The following AGAP1 variants were observed in gnomAD, a reference collection of about 807,000 sequenced individuals.
AGAP1 encodes arf-GAP with GTPase, ANK repeat and PH domain-containing protein 1.
In AGAP1, 29 loss-of-function variants were observed where a neutral mutation model predicts 105.3. The ratio of observed to expected loss-of-function variants is 0.28; its 90% confidence interval spans 0.21 to 0.38. AGAP1 has a LOEUF of 0.38. Among genes scored for constraint, AGAP1 ranks in the 10% least tolerant of loss-of-function variants. The probability of loss-of-function intolerance (pLI) is 1.00; values close to 1 mark genes in which losing one functional copy is unlikely to be tolerated. For missense variants in AGAP1, 998 were observed against 1,165.1 expected, an observed-to-expected ratio of 0.86 and a Z score of 2.09; for synonymous variants, 509 against 485.9, an observed-to-expected ratio of 1.05 and a Z score of -0.63.
intron 13 of AGAP1, among the ~76,000 whole-genome samples, chr2:236,016,073 A>G (rs1054622011): frequency 6.6e-6 from 1 of 151,798 alleles, no homozygotes; most frequent in African/African-American, 2.4e-5. Flanking sequence ...ACAAATCTAC[A>G]TTTTCACTAT....
At chr2:235,593,335 G>C (rs1047215379) in intron 1 of AGAP1, among the ~76,000 whole-genome samples, 4 of 152,196 alleles carry the variant, frequency 2.6e-5, no homozygotes, top group Non-Finnish European at 4.4e-5. Context: ...AAGTGGAACA[G>C]AACAACCTCC....
At chr2:236,059,855 G>A (rs894990007) in intron 16 of AGAP1, among the ~76,000 whole-genome samples, 3 of 152,168 alleles carry the variant, frequency 2.0e-5, no homozygotes, top group Non-Finnish European at 2.9e-5. Flanking sequence ...ACTTTGGGAG[G>A]CTGAGGCGGG....
intron 1 of AGAP1, among the ~76,000 whole-genome samples, chr2:235,681,039 C>T (rs146288141): frequency 1.7e-3 from 262 of 151,986 alleles, no homozygotes; most frequent in South Asian, 4.2e-3. Flanking sequence ...GGCAGAGTGT[C>T]GCTCTGTCGC....
At chr2:235,807,465 A>G in intron 9 of AGAP1, 134 bp downstream of exon 9, 1 of 684,916 alleles carries the variant, frequency 1.5e-6, no homozygotes. Flanking sequence ...CTCACTTGAC[A>G]TCAATTAGCA....
chr2:235,733,860 G>A lies in AGAP1; in HGVS notation c.311-7103G>A, dbSNP rs1952090884. Among the ~76,000 whole-genome samples, 1 of 152,088 alleles carries A rather than the reference G, an allele frequency of 6.6e-6. No individual in the cohort carries two copies. The highest frequency in any genetic ancestry group is 1.9e-4 in the East Asian group (1 of 5,186). Reference sequence around the variant, plus strand: ...AAATTAAAAAAAAAAGTTGGGAGAGGAAGTGAAATCTGATTTGGCTAAATT... The same window carrying A: ...AAATTAAAAAAAAAAGTTGGGAGAGAAAGTGAAATCTGATTTGGCTAAATT... On this transcript the variant is annotated intron_variant, in intron 3 of 17. Transcript: ENST00000304032. The surrounding 1 kb of genome is among the most constrained non-coding windows in gnomAD (Gnocchi z 5.0).
At position 235,882,413 on chromosome 2, in the gene AGAP1, GTTC is replaced by G; in HGVS notation, c.1051-927_1051-925del. The G allele has an allele frequency of 5.7e-6, 9 of 1,583,354 alleles. No individual in the cohort carries two copies. Among genetic ancestry groups the G allele is most frequent in the Non-Finnish European group, 7.8e-6 (9 of 1,156,146 alleles). ...CAGTGGTCTCTTTGGTCGGCAGGGT[GTTC>G]TTCTCCTGCGTCTCCGTTTTCTTCA... On this transcript the variant is annotated intron_variant, in intron 9 of 17. Coordinates refer to ENST00000304032, the MANE Select transcript of AGAP1 (RefSeq NM_001037131.3). This position sits in a 1 kb window ranked among gnomAD's most constrained non-coding sequence, Gnocchi z 4.6.
chr2:235,856,197 C>T (rs189617776), intron 9 of AGAP1, among the ~76,000 whole-genome samples: 30 of 152,302 alleles, frequency 2.0e-4, no homozygotes, highest in African/African-American at 6.3e-4. Flanking sequence ...CAGGCGTGAG[C>T]CACCGCACCC....
chr2:235,765,497 CTGTT>C (rs1419546086), intron 6 of AGAP1, among the ~76,000 whole-genome samples: 14 of 152,302 alleles, frequency 9.2e-5, no homozygotes, highest in African/African-American at 3.4e-4. Context: ...AAGCTGAACA[CTGTT>C]CGTTTGGGGG....
intron 1 of AGAP1, among the ~76,000 whole-genome samples, chr2:235,539,287 T>C (rs947032970): frequency 1.3e-5 from 2 of 152,348 alleles, no homozygotes; most frequent in African/African-American, 2.4e-5. Flanking sequence ...GCCTTAGATA[T>C]ACCATCAGGG....
At chr2:235,560,732 C>G (rs1286789585) in intron 1 of AGAP1, among the ~76,000 whole-genome samples, 1 of 152,188 alleles carries the variant, frequency 6.6e-6, no homozygotes, top group East Asian at 1.9e-4. Flanking sequence ...CTGCTGACAC[C>G]TAAGCCTGGT....
In AGAP1 at chr2:235,865,822, T is replaced by C. The variant is rs1290456364; in HGVS notation, c.1051-17523T>C. Among the ~76,000 whole-genome samples, 1 of 152,230 alleles carries C rather than the reference T, an allele frequency of 6.6e-6. No homozygotes were observed. The highest frequency in any genetic ancestry group is 1.5e-5 in the Non-Finnish European group (1 of 68,034). On this transcript the variant is annotated intron_variant, in intron 9 of 17. Coordinates refer to ENST00000304032, the MANE Select transcript of AGAP1 (RefSeq NM_001037131.3). The surrounding 1 kb of genome is among the most constrained non-coding windows in gnomAD (Gnocchi z 6.2). ...GTCACATTTTCTAGTCATCTCCTTT[T>C]ACCAAAATTTACCTCCCAGCATCGT...
intron 3 of AGAP1, among the ~76,000 whole-genome samples, chr2:235,730,790 GT>G (rs914419113): frequency 6.6e-6 from 1 of 152,174 alleles, no homozygotes; most frequent in Non-Finnish European, 1.5e-5. Flanking sequence ...AAGCACCACT[GT>G]TTTGGTGGGT....
intron 16 of AGAP1, among the ~76,000 whole-genome samples, chr2:236,111,754 T>C (rs2059648824): frequency 6.8e-6 from 1 of 147,140 alleles, no homozygotes; most frequent in Admixed American, 6.9e-5. Context: ...GTCAAGCCAC[T>C]GCGCTCCAGC....
intron 1 of AGAP1, among the ~76,000 whole-genome samples, chr2:235,545,072 G>C (rs1042998282): frequency 1.3e-5 from 2 of 152,076 alleles, no homozygotes; most frequent in Non-Finnish European, 2.9e-5. Flanking sequence ...CCTTACCCTG[G>C]TTCTTGCTAC....
rs570529349 is a variant in AGAP1, at chr2:235,753,783, A to AT, written c.673+3302dup. Among the ~76,000 whole-genome samples the AT allele has an allele frequency of 2.4e-3, 361 of 152,142 alleles. 1 individual carries two copies. Among genetic ancestry groups the AT allele is most frequent in the African/African-American group, 8.2e-3 (340 of 41,512 alleles). On this transcript the variant is annotated intron_variant, in intron 6 of 17. Transcript: ENST00000304032. This position sits in a 1 kb window ranked among gnomAD's most constrained non-coding sequence, Gnocchi z 4.5. The stretch of plus-strand genomic sequence containing the variant: ...AGCTACAACTTCCGTGACTATTGCG[A>AT]TTTTTTTGTCCTTAAAATATTTTCA...
Position 236,086,336 on chromosome 2 carries a change from A to G in AGAP1, c.2115-33856A>G, listed in dbSNP as rs566643250. On this transcript the variant is annotated intron_variant, in intron 16 of 17. Coordinates refer to ENST00000304032, the MANE Select transcript of AGAP1 (RefSeq NM_001037131.3). The stretch of plus-strand genomic sequence containing the variant: ...TCTGTCTTCTTCAGTCTGTTTTCCC[A>G]GGTTAAAAGTTAAACTGATTTATGC... Among the ~76,000 whole-genome samples the G allele has an allele frequency of 1.9e-3, 292 of 152,344 alleles. 11 individuals are homozygous for G. In the South Asian group the frequency reaches 0.053, roughly 28 times the overall value.
rs2060071871 is a variant in AGAP1 at position 236,130,747 on chromosome 2, C to T, written c.*6625C>T. The T allele has an allele frequency of 6.6e-6, 1 of 152,618 alleles. No individual in the cohort carries two copies. Among genetic ancestry groups the T allele is most frequent in the Non-Finnish European group, 1.5e-5 (1 of 68,406 alleles). The allele number at this position is 152,618 out of a possible 1,614,324, so 9.5% of individuals were successfully genotyped here. On this transcript the variant is annotated 3_prime_UTR_variant, in exon 18 of 18. Coordinates refer to ENST00000304032, the MANE Select transcript of AGAP1 (RefSeq NM_001037131.3). The surrounding 1 kb of genome is among the most constrained non-coding windows in gnomAD (Gnocchi z 5.8). Reference sequence around the variant, plus strand: ...CCAATACCACAGCCCTGGGGTGTCCCCTGACATTCCTGGAGGTCCCTGGGC... The same window carrying T: ...CCAATACCACAGCCCTGGGGTGTCCTCTGACATTCCTGGAGGTCCCTGGGC...
chr2:235,810,521 C>G (rs184742773), intron 9 of AGAP1, among the ~76,000 whole-genome samples: 1 of 152,306 alleles, frequency 6.6e-6, no homozygotes, highest in Admixed American at 6.5e-5. Flanking sequence ...CAGCCTTCAA[C>G]ACTCTCTGCA....
intron 12 of AGAP1, among the ~76,000 whole-genome samples, chr2:235,941,852 G>GC (rs2053272298): frequency 6.6e-6 from 1 of 150,980 alleles, no homozygotes; most frequent in South Asian, 2.1e-4. Context: ...TTGTTGTTGG[G>GC]GGGGTAAGAA....
Sources: allele counts gnomAD v4.1 joint callset (sites outside exome capture counted in the v4.1 genomes callset), GRCh38; gene constraint gnomAD v4.1.1; non-coding constraint Gnocchi (gnomAD v3.1); transcripts MANE v1.5; gene names NCBI Gene and HGNC (gene_info 2026-07-23, HGNC 2026-07-21).